The following HPCAL4 variants were observed in gnomAD, a reference collection of about 807,000 sequenced individuals.
HPCAL4 encodes hippocalcin-like protein 4.
Under a neutral mutation model 18.2 loss-of-function variants are expected in HPCAL4, and 16 were observed. That is an observed-to-expected ratio of 0.88 (90% CI 0.59 to 1.33). The LOEUF (loss-of-function observed/expected upper bound fraction) is 1.33. HPCAL4 is among the 40% of genes most tolerant of loss of function. The probability of loss-of-function intolerance (pLI) is 0.00; values close to 1 mark genes in which losing one functional copy is unlikely to be tolerated. For missense variants in HPCAL4, 214 were observed against 256.6 expected (o/e 0.83, Z 1.14); for synonymous variants, 80 against 97.5 (o/e 0.82, Z 1.06).
intron 3 of HPCAL4, 121 bp downstream of exon 3, chr1:39,683,816 A>T: frequency 1.2e-6 from 1 of 823,098 alleles, no homozygotes; most frequent in Non-Finnish European, 1.9e-6. Context: ...GGGTGGTAGG[A>T]GGCGGGATCG....
At chr1:39,689,032 C>T (rs1453429176) in intron 1 of HPCAL4, among the ~76,000 whole-genome samples, 1 of 152,206 alleles carries the variant, frequency 6.6e-6, no homozygotes, top group Non-Finnish European at 1.5e-5. Context: ...CATTAAACCC[C>T]TGCCTGAGTC....
chr1:39,686,629 A>T (rs191729627), intron 1 of HPCAL4, among the ~76,000 whole-genome samples: 1 of 152,322 alleles, frequency 6.6e-6, no homozygotes. Context: ...GCTGAGAAGC[A>T]GGTTTGGGAA....
intron 1 of HPCAL4, among the ~76,000 whole-genome samples, chr1:39,686,341 G>A (rs891500053): frequency 1.3e-5 from 2 of 152,114 alleles, no homozygotes; most frequent in African/African-American, 2.4e-5. Context: ...ATAAAGAAAG[G>A]CCCTGTCTCA....
At chr1:39,684,315 G>GCCTCC in intron 2 of HPCAL4, 127 bp downstream of exon 2, 1 of 1,075,604 alleles carries the variant, frequency 9.3e-7, no homozygotes, top group Non-Finnish European at 1.2e-6. Context: ...CGGGTGCCTC[G>GCCTCC]CCTCCCCTCC....
chr1:39,683,109 C>T (rs1570472710), intron 3 of HPCAL4, among the ~76,000 whole-genome samples: 1 of 152,154 alleles, frequency 6.6e-6, no homozygotes, highest in Non-Finnish European at 1.5e-5. Flanking sequence ...GTCTCGAACT[C>T]ATTACCTCAG....
intron 1 of HPCAL4, among the ~76,000 whole-genome samples, chr1:39,686,684 G>A (rs1570477469): frequency 6.6e-6 from 1 of 152,196 alleles, no homozygotes; most frequent in African/African-American, 2.4e-5. Context: ...CCGTAAGTGG[G>A]CTGTGCCAGG....
At position 39,683,990 on chromosome 1, in the gene HPCAL4, C is replaced by G; in HGVS notation, c.325G>C (p.Asp109His). 6.2e-7 allele frequency: 1 copy of G among 1,613,984 alleles called. No individual in the cohort carries two copies. Reference protein sequence around the residue: ...QKLNWAFEMYDLDGDGRITRL... With the variant: ...QKLNWAFEMYHLDGDGRITRL... ...GTGATGCGCCCGTCGCCGTCCAGGTCGTACATCTCAAAGGCCCAGTTGAGC... is the reference window on the plus strand; with the variant it reads ...GTGATGCGCCCGTCGCCGTCCAGGTGGTACATCTCAAAGGCCCAGTTGAGC... The change falls in exon 3 of 4, where the codon GAC becomes CAC. Residue 109 changes from aspartate to histidine, a missense_variant. Asp to His is a moderately conservative substitution (Grantham distance 81). Coordinates refer to ENST00000372844, the MANE Select transcript of HPCAL4 (RefSeq NM_016257.4).
chr1:39,688,416 G>A (rs1371561870), intron 1 of HPCAL4, among the ~76,000 whole-genome samples: 1 of 152,060 alleles, frequency 6.6e-6, no homozygotes, highest in Non-Finnish European at 1.5e-5. Flanking sequence ...GGTCTAACTT[G>A]CCATCAAGTC....
Position 39,684,043 on chromosome 1 carries a change from A to G in HPCAL4, c.272T>C (p.Val91Ala). The G allele has an allele frequency of 1.2e-6, 2 of 1,613,982 alleles. No individual in the cohort carries two copies. The highest frequency in any genetic ancestry group is 1.7e-6 in the Non-Finnish European group (2 of 1,179,914). Residue 91 changes from valine to alanine, a missense_variant, in exon 3 of 4, where the codon GTC (valine) becomes GCC (alanine). Transcript: ENST00000372844. ...CTGCTCGAAGCTGCCGCGGGAGGTGACCGACAGGGCGCAGATGAACTCCCG... is the reference window on the plus strand; with the variant it reads ...CTGCTCGAAGCTGCCGCGGGAGGTGGCCGACAGGGCGCAGATGAACTCCCG... The part of the protein sequence containing the change: ...DFREFICALS[V>A]TSRGSFEQKL...
rs541864086 is a variant in HPCAL4 at position 39,685,784 on chromosome 1, G to A, written c.-8-1173C>T. 1.3e-4 allele frequency among the ~76,000 whole-genome samples: 20 copies of A among 151,984 alleles called. No individual in the cohort carries two copies. The South Asian group carries it at 4.0e-3, about 30-fold the overall frequency. On this transcript the variant is annotated intron_variant, in intron 1 of 3. Transcript: ENST00000372844. ...AGTCCCAGCTACTCGGGAGGCTGAG[G>A]CAGGAGAATGGCGTCAACCCAGGAG...
At chr1:39,682,792 G>A in intron 3 of HPCAL4, 59 bp from the exon 4 acceptor site, 1 of 1,406,560 alleles carries the variant, frequency 7.1e-7, no homozygotes, top group Non-Finnish European at 1.0e-6. Flanking sequence ...AGAAGCAGCG[G>A]GTGAAGGAAA....
chr1:39,683,318 A>G (rs569826817), intron 3 of HPCAL4, among the ~76,000 whole-genome samples: 25 of 151,982 alleles, frequency 1.6e-4, no homozygotes, highest in Non-Finnish European at 3.1e-4. Flanking sequence ...TCTCCCTCTC[A>G]TGGCTCTCCC....
chr1:39,687,392 G>A (rs901952983), intron 1 of HPCAL4, among the ~76,000 whole-genome samples: 5 of 152,244 alleles, frequency 3.3e-5, no homozygotes, highest in African/African-American at 1.2e-4. Context: ...GATGGGGGGA[G>A]GCACAGCCTC....
intron 2 of HPCAL4, 65 bp downstream of exon 2, chr1:39,684,377 C>T: frequency 6.6e-7 from 1 of 1,511,008 alleles, no homozygotes. Flanking sequence ...CCTCCCTCAC[C>T]CCCGGTTCCT....
In HPCAL4 at chr1:39,679,056, C is replaced by T. The variant is rs1238706253; in HGVS notation, c.*3480G>A. On this transcript the variant is annotated 3_prime_UTR_variant, in exon 4 of 4. Coordinates refer to ENST00000372844, the MANE Select transcript of HPCAL4 (RefSeq NM_016257.4). The stretch of plus-strand genomic sequence containing the variant: ...ATAAAACATGTAAGACATTCTTGAC[C>T]CCACAGTGATCTCTAAAGTCAGCTC... 1 of 152,060 alleles carries T rather than the reference C, an allele frequency of 6.6e-6. No individual in the cohort carries two copies. Among genetic ancestry groups the T allele is most frequent in the African/African-American group, 2.4e-5 (1 of 41,400 alleles). The allele number at this position is 152,060 out of a possible 1,614,324, so 9.4% of individuals were successfully genotyped here.
chr1:39,686,507 C>T (rs571622842), intron 1 of HPCAL4, among the ~76,000 whole-genome samples: 6 of 152,152 alleles, frequency 3.9e-5, no homozygotes, highest in South Asian at 4.2e-4. Flanking sequence ...TGGGCTGAGA[C>T]GTTAAGAAGG....
In HPCAL4 at chr1:39,680,508, A is replaced by G. The variant is rs966546338; in HGVS notation, c.*2028T>C. 2.0e-5 allele frequency: 3 copies of G among 152,218 alleles called. No individual in the cohort carries two copies. Among genetic ancestry groups the G allele is most frequent in the Admixed American group, 2.0e-4 (3 of 15,288 alleles). The allele number at this position is 152,218 out of a possible 1,614,324, so 9.4% of individuals were successfully genotyped here. A position where few individuals can be genotyped will look rare whatever the true frequency, so the allele number is the denominator to read the frequency against. ...CTTTTCACCAGAAGATTTAGGTCCC[A>G]GCTAAGCCAGGCTGGTGAGCATCTA... On this transcript the variant is annotated 3_prime_UTR_variant, in exon 4 of 4. Transcript: ENST00000372844.
At chr1:39,682,777 C>A (rs748946664) in intron 3 of HPCAL4, 44 bp from the exon 4 acceptor site, 16 of 1,530,522 alleles carry the variant, frequency 1.0e-5, no homozygotes, top group Non-Finnish European at 1.2e-5. Flanking sequence ...CCACAAGGGG[C>A]CCCGAGAAGC....
In HPCAL4 at chr1:39,679,664, G is replaced by T. The variant is rs1215835248; in HGVS notation, c.*2872C>A. ...CAGCTGGTGCAGGGACGGGAGACCTGTGTCTCTTCTCAAGGCAGGGCCAGT... is the reference window on the plus strand; with the variant it reads ...CAGCTGGTGCAGGGACGGGAGACCTTTGTCTCTTCTCAAGGCAGGGCCAGT... On this transcript the variant is annotated 3_prime_UTR_variant, in exon 4 of 4. Coordinates refer to ENST00000372844, the MANE Select transcript of HPCAL4 (RefSeq NM_016257.4). 1.3e-5 allele frequency: 2 copies of T among 152,230 alleles called. No homozygotes were observed. Among genetic ancestry groups the T allele is most frequent in the African/African-American group, 4.8e-5 (2 of 41,448 alleles). 9.4% of individuals were successfully genotyped at this position (152,230 alleles called of 1,614,324 possible).
Sources: gnomAD v4.1 joint callset for allele counts (sites outside exome capture counted in the v4.1 genomes callset) on GRCh38, gnomAD v4.1.1 for gene constraint, MANE v1.5 for transcripts, NCBI Gene and HGNC (gene_info 2026-07-23, HGNC 2026-07-21) for gene names.